The following FTCDNL1 variants were observed in gnomAD, a reference collection of about 807,000 sequenced individuals.
The protein encoded by FTCDNL1 is formiminotransferase cyclodeaminase N-terminal like, also known as formiminotransferase N-terminal subdomain-containing protein.
A neutral mutation model predicts 5.9 loss-of-function variants in FTCDNL1; 11 were observed. The ratio of observed to expected loss-of-function variants is 1.87; its 90% CI spans 1.18 to 3.10. The LOEUF (loss-of-function observed/expected upper bound fraction) is 3.10. FTCDNL1 is among the 30% of genes most tolerant of loss of function. FTCDNL1 has a pLI of 0.00. For synonymous variants in FTCDNL1, 58 were observed against 24.8 expected, an observed-to-expected ratio of 2.34 and a Z score of -3.99; for missense variants, 115 against 65.5, an observed-to-expected ratio of 1.76 and a Z score of -2.61.
At chr2:199,777,437 T>C (rs891658691) in intron 3 of FTCDNL1, among the ~76,000 whole-genome samples, 2 of 152,146 alleles carry the variant, frequency 1.3e-5, no homozygotes, top group African/African-American at 4.8e-5. Context: ...TGAAAGTGGT[T>C]TGTTAGCAGA....
At chr2:199,754,622 C>G in the FTCDNL1 span, among the ~76,000 whole-genome samples, 1 of 152,150 alleles carries the variant, frequency 6.6e-6, no homozygotes, top group Non-Finnish European at 1.5e-5. Context: ...CCTAGAGAGT[C>G]TCCAGGGCTT....
At chr2:199,757,982 T>C (rs1020409666), downstream of FTCDNL1, among the ~76,000 whole-genome samples, 5 of 152,166 alleles carry the variant, frequency 3.3e-5, no homozygotes, top group African/African-American at 1.2e-4. Context: ...CAGTGGAATA[T>C]CCTTGGCTAA....
At chr2:199,736,775 C>G in the FTCDNL1 span, among the ~76,000 whole-genome samples, 2 of 152,188 alleles carry the variant, frequency 1.3e-5, no homozygotes, top group African/African-American at 4.8e-5. Context: ...TACACAGCCT[C>G]AAAAGACGCA....
chr2:199,767,068 A>G (rs974714498), intron 3 of FTCDNL1, among the ~76,000 whole-genome samples: 7 of 152,246 alleles, frequency 4.6e-5, no homozygotes, highest in Non-Finnish European at 8.8e-5. Context: ...TAAAAAAGTT[A>G]TATTTGATCA....
chr2:199,766,928 A>G (rs903506793), intron 3 of FTCDNL1, among the ~76,000 whole-genome samples: 1 of 152,226 alleles, frequency 6.6e-6, no homozygotes, highest in Non-Finnish European at 1.5e-5. Flanking sequence ...GGCCTTAAAA[A>G]TATACAATAT....
rs200953092 is a variant in FTCDNL1, at chr2:199,761,550, TG to T, written c.212-716del. Among the ~76,000 whole-genome samples, 369 of 152,300 alleles carry T rather than the reference TG, an allele frequency of 2.4e-3. 15 individuals are homozygous for T. The East Asian group carries it at 0.063, about 26-fold the overall frequency. ...CCCATCTGTTGCCCTCCTGGGACTT[TG>T]GAGACAAATGAAACTGAGGAAAACC... On this transcript the variant is annotated intron_variant, in intron 3 of 3. Transcript: ENST00000416668.
chr2:199,774,309 A>C (rs1282947231), intron 3 of FTCDNL1, among the ~76,000 whole-genome samples: 1 of 152,222 alleles, frequency 6.6e-6, no homozygotes, highest in Non-Finnish European at 1.5e-5. Flanking sequence ...GCTCTGCCCT[A>C]CAAATTCAGC....
the FTCDNL1 span, among the ~76,000 whole-genome samples, chr2:199,712,874 T>C: frequency 6.6e-6 from 1 of 152,206 alleles, no homozygotes; most frequent in Non-Finnish European, 1.5e-5. Context: ...CTCACCCTAC[T>C]GCAGTATGAC....
intron 3 of FTCDNL1, among the ~76,000 whole-genome samples, chr2:199,768,607 A>G (rs1328447636): frequency 6.6e-6 from 1 of 152,048 alleles, no homozygotes; most frequent in Non-Finnish European, 1.5e-5. Flanking sequence ...CAGAAGGAAG[A>G]ATAAGGAAGG....
chr2:199,800,835 T>C (rs576264228), intron 3 of FTCDNL1, among the ~76,000 whole-genome samples: 15 of 152,392 alleles, frequency 9.8e-5, no homozygotes, highest in Non-Finnish European at 2.1e-4. Context: ...ACAGAAATTC[T>C]GATCAATTCT....
chr2:199,739,395 CTT>C, the FTCDNL1 span, among the ~76,000 whole-genome samples: 3 of 152,190 alleles, frequency 2.0e-5, no homozygotes, highest in African/African-American at 7.2e-5. Flanking sequence ...ACGGGTAAAA[CTT>C]AGAGTATATT....
intron 3 of FTCDNL1, among the ~76,000 whole-genome samples, chr2:199,831,409 CA>C: frequency 6.6e-6 from 1 of 152,018 alleles, no homozygotes; most frequent in Admixed American, 6.5e-5. Flanking sequence ...CTAGGAAAAA[CA>C]AGAAACAATC....
At chr2:199,717,977 C>G in the FTCDNL1 span, among the ~76,000 whole-genome samples, 1 of 80,618 alleles carries the variant, frequency 1.2e-5, no homozygotes, top group African/African-American at 4.0e-5. Flanking sequence ...TTAAAAAAAA[C>G]CAAAAAAACA....
the FTCDNL1 span, among the ~76,000 whole-genome samples, chr2:199,736,747 T>G: frequency 6.6e-6 from 1 of 152,226 alleles, no homozygotes; most frequent in Non-Finnish European, 1.5e-5. Context: ...ATCACTTCAA[T>G]CTACAACTGT....
chr2:199,723,096 C>T, the FTCDNL1 span, among the ~76,000 whole-genome samples: 1 of 151,942 alleles, frequency 6.6e-6, no homozygotes, highest in East Asian at 1.9e-4. Context: ...GCTATTTTTT[C>T]TGATACTCTC....
chr2:199,693,474 C>A, the FTCDNL1 span, among the ~76,000 whole-genome samples: 1 of 152,116 alleles, frequency 6.6e-6, no homozygotes, highest in Non-Finnish European at 1.5e-5. Flanking sequence ...GTGATAAGTG[C>A]ATTGAGTGAC....
intron 3 of FTCDNL1, among the ~76,000 whole-genome samples, chr2:199,780,495 C>T (rs1408782239): frequency 6.6e-6 from 1 of 152,126 alleles, no homozygotes; most frequent in Non-Finnish European, 1.5e-5. Flanking sequence ...CTGGTCTCTT[C>T]CTGAAAAAAA....
chr2:199,801,925 G>A (rs561758426), intron 3 of FTCDNL1, among the ~76,000 whole-genome samples: 25 of 147,148 alleles, frequency 1.7e-4, no homozygotes, highest in Admixed American at 1.0e-3. Flanking sequence ...GCGACAGAGC[G>A]AGACTCCATC....
chr2:199,718,123 T>C, the FTCDNL1 span, among the ~76,000 whole-genome samples: 1 of 152,162 alleles, frequency 6.6e-6, no homozygotes, highest in Non-Finnish European at 1.5e-5. Flanking sequence ...CATGCATATA[T>C]CGTGTAGTGG....
Sources: gnomAD v4.1 joint callset for allele counts (sites outside exome capture counted in the v4.1 genomes callset) on GRCh38, gnomAD v4.1.1 for gene constraint, MANE v1.5 for transcripts, NCBI Gene and HGNC (gene_info 2026-07-23, HGNC 2026-07-21) for gene names.